Variants in TACC2 observed in about 807,000 individuals in gnomAD.
TACC2 encodes transforming acidic coiled-coil-containing protein 2.
In TACC2, 137 loss-of-function variants were observed where a neutral mutation model predicts 227.3. The ratio of observed to expected loss-of-function variants is 0.60; its 90% CI spans 0.52 to 0.69. The LOEUF is 0.69. Among genes scored for constraint, TACC2 ranks in the 30% least tolerant of loss-of-function variants. The probability of loss-of-function intolerance (pLI) is 0.00; values close to 1 mark genes in which losing one functional copy is unlikely to be tolerated. For missense variants in TACC2, 3,470 were observed against 3,694.4 expected (o/e 0.94, Z 1.57); for synonymous variants, 1,523 against 1,487.5 (o/e 1.02, Z -0.55).
intron 3 of TACC2, among the ~76,000 whole-genome samples, chr10:122,077,436 G>C (rs1296367078): frequency 1.3e-5 from 2 of 152,162 alleles, no homozygotes; most frequent in Admixed American, 6.5e-5. Flanking sequence ...ACTGATCTGG[G>C]AGCCCAGGCC....
intron 3 of TACC2, among the ~76,000 whole-genome samples, chr10:122,053,488 A>G (rs1194781659): frequency 1.3e-5 from 2 of 152,112 alleles, no homozygotes; most frequent in Non-Finnish European, 2.9e-5. Context: ...CTCTCTCCAG[A>G]GCCTGGTGCA....
chr10:122,008,450 G>A (rs1955522058), intron 1 of TACC2, among the ~76,000 whole-genome samples: 1 of 151,908 alleles, frequency 6.6e-6, no homozygotes, highest in African/African-American at 2.4e-5. Flanking sequence ...AGTAGAGACA[G>A]GGTTTCTCCA....
chr10:122,206,052 G>A (rs1294052449), intron 8 of TACC2, among the ~76,000 whole-genome samples: 1 of 151,954 alleles, frequency 6.6e-6, no homozygotes, highest in Non-Finnish European at 1.5e-5. Flanking sequence ...GGCCCTCTGG[G>A]CGCCAAGGAT....
In TACC2 at chr10:122,050,868, C is replaced by T. The variant is rs1475521973; in HGVS notation, c.146+318C>T. ...ACATCAAGGGTTCCCAGGGGTTTAT[C>T]AGTGTCTAATCCGTGGCTAAGTGGA... is the stretch of plus-strand genomic sequence containing the variant. On this transcript the variant is annotated intron_variant, in intron 3 of 22. Coordinates refer to ENST00000369005, the MANE Select transcript of TACC2 (RefSeq NM_206862.4). The surrounding 1 kb of genome is among the most constrained non-coding windows in gnomAD (Gnocchi z 4.6). The T allele has an allele frequency of 3.4e-6, 1 of 294,958 alleles. No homozygotes were observed. The highest frequency in any genetic ancestry group is 7.4e-5 in the East Asian group (1 of 13,508). 18.3% of individuals were successfully genotyped at this position (294,958 alleles called of 1,614,324 possible).
Position 122,087,638 on chromosome 10 carries a change from C to G in TACC2, c.5138C>G (p.Thr1713Arg), listed in dbSNP as rs1031208223. 5 of 1,613,350 alleles carry G rather than the reference C, an allele frequency of 3.1e-6. No individual in the cohort carries two copies. In the Admixed American group the frequency reaches 5.0e-5, roughly 16 times the overall value. ...GEAEGDITLS[T>R]AETQACASGD... ...GCAGAGGGTGACATCACCCTGAGCA[C>G]AGCTGAGACACAGGCATGTGCGTCC... The change falls in exon 4 of 23, where the codon ACA becomes AGA. Residue 1713 changes from threonine to arginine, a missense_variant. Physicochemically the swap from Thr to Arg is moderately conservative, Grantham distance 71. Coordinates refer to ENST00000369005, the MANE Select transcript of TACC2 (RefSeq NM_206862.4).
intron 16 of TACC2, among the ~76,000 whole-genome samples, chr10:122,233,370 A>G (rs1426652936): frequency 6.6e-6 from 1 of 152,214 alleles, no homozygotes; most frequent in Non-Finnish European, 1.5e-5. Context: ...GGGGGACCCA[A>G]TATAAAGACG....
chr10:122,224,770 A>G lies in TACC2; in HGVS notation c.7591A>G (p.Ile2531Val). Residue 2531 changes from isoleucine (I) to valine (V), a missense_variant, in exon 12 of 23, where the codon ATT (isoleucine) becomes GTT (valine). Physicochemically the swap from Ile to Val is conservative, Grantham distance 29 (BLOSUM62 3). Coordinates refer to ENST00000369005, the MANE Select transcript of TACC2 (RefSeq NM_206862.4). ...CTATGAAATTGAATATATGGAGAAA[A>G]TTGGCTCCTCCTTACCTGTAAGTTC... is the stretch of plus-strand genomic sequence containing the variant. ...NSYEIEYMEK[I>V]GSSLPQDDDA... The G allele has an allele frequency of 6.2e-7, 1 of 1,614,002 alleles. No homozygotes were observed. Among genetic ancestry groups the G allele is most frequent in the Non-Finnish European group, 8.5e-7 (1 of 1,179,986 alleles).
Position 122,229,343 on chromosome 10 carries a change from C to T in TACC2, c.7897-3C>T. ...GTGTGTCCTCCTCTCTGCCGGCTTT[C>T]AGACAGCTCCCGAGGGCTCCTTTGC... On this transcript the variant is annotated splice_region_variant and splice_polypyrimidine_tract_variant and intron_variant, in intron 14 of 22. Coordinates refer to ENST00000369005, the MANE Select transcript of TACC2 (RefSeq NM_206862.4). 2 of 1,613,888 alleles carry T rather than the reference C, an allele frequency of 1.2e-6. No individual in the cohort carries two copies. Among genetic ancestry groups the T allele is most frequent in the Non-Finnish European group, 1.7e-6 (2 of 1,179,980 alleles).
intron 5 of TACC2, 96 bp from the exon 6 acceptor site, chr10:122,132,513 C>A: frequency 1.4e-6 from 2 of 1,438,254 alleles, no homozygotes; most frequent in Non-Finnish European, 1.9e-6. Flanking sequence ...CGCGCCATTG[C>A]CCTCCAGCCT....
chr10:122,216,725 G>T lies in TACC2; in HGVS notation c.7443G>T (p.Trp2481Cys), dbSNP rs2095413797. 1.2e-6 allele frequency: 2 copies of T among 1,614,114 alleles called. No homozygotes were observed. Among genetic ancestry groups the T allele is most frequent in the Non-Finnish European group, 1.7e-6 (2 of 1,180,038 alleles). Reference sequence around the variant, plus strand: ...AGCTGGCGGTCACCAACCAGAAGTGGACGTGCATGACAGTGGACCTAGAGG... The same window carrying T: ...AGCTGGCGGTCACCAACCAGAAGTGTACGTGCATGACAGTGGACCTAGAGG... ...EEKLAVTNQKWTCMTVDLEAD... is the reference protein window; with the variant it reads ...EEKLAVTNQKCTCMTVDLEAD... The change falls in exon 11 of 23, where the codon TGG (tryptophan) becomes TGT (cysteine). Residue 2481 changes from tryptophan (W) to cysteine (C), a missense_variant. Around this residue, in one of 10 missense-constraint regions of TACC2, gnomAD observed 345 missense variants for 354.4 expected, o/e 0.97. Transcript: ENST00000369005.
At position 122,085,834 on chromosome 10, in the gene TACC2, A is replaced by G. The variant is rs757482922; in HGVS notation, c.3334A>G (p.Lys1112Glu). 4 of 1,613,088 alleles carry G rather than the reference A, an allele frequency of 2.5e-6. No individual in the cohort carries two copies. The highest frequency in any genetic ancestry group is 3.4e-6 in the Non-Finnish European group (4 of 1,179,494). Residue 1112 changes from lysine (K) to glutamate (E), a missense_variant, in exon 4 of 23, where the codon AAG becomes GAG. Lys to Glu is a moderately conservative substitution (Grantham distance 56). Transcript: ENST00000369005. ...CWATSDAESP[K>E]LLASFPSAGE... ...GGCCACTTCGGATGCAGAGTCCCCAAAGCTTCTTGCAAGTTTCCCATCAGC... is the reference window on the plus strand; with the variant it reads ...GGCCACTTCGGATGCAGAGTCCCCAGAGCTTCTTGCAAGTTTCCCATCAGC...
intron 7 of TACC2, among the ~76,000 whole-genome samples, chr10:122,146,356 G>A (rs1237121795): frequency 3.3e-5 from 5 of 152,076 alleles, no homozygotes; most frequent in Non-Finnish European, 7.4e-5. Flanking sequence ...GCTGTGGTTT[G>A]AGTATTTGTT....
Position 122,229,368 on chromosome 10 carries a change from C to T in TACC2, c.7919C>T (p.Ala2640Val). ...IEITAPEGSF[A>V]SADALLSRLA... ...CAGACAGCTCCCGAGGGCTCCTTTGCCTCTGCTGACGCCCTCCTCAGCAGG... is the reference window on the plus strand; with the variant it reads ...CAGACAGCTCCCGAGGGCTCCTTTGTCTCTGCTGACGCCCTCCTCAGCAGG... The change falls in exon 15 of 23, where the codon GCC (alanine) becomes GTC (valine). Residue 2640 changes from alanine to valine, a missense_variant. Around this residue, in one of 10 missense-constraint regions of TACC2, gnomAD observed 345 missense variants for 354.4 expected, o/e 0.97. Transcript: ENST00000369005. 3 of 1,614,078 alleles carry T rather than the reference C, an allele frequency of 1.9e-6. No homozygotes were observed. The highest frequency in any genetic ancestry group is 2.5e-6 in the Non-Finnish European group (3 of 1,180,028).
intron 13 of TACC2, 145 bp downstream of exon 13, chr10:122,226,626 A>G (rs1024545175): frequency 2.6e-5 from 16 of 615,206 alleles, no homozygotes; most frequent in Non-Finnish European, 4.5e-5. Context: ...TTTAATAGAG[A>G]CAGAGTCTCA....
intron 6 of TACC2, among the ~76,000 whole-genome samples, chr10:122,142,188 C>G (rs530301162): frequency 1.3e-5 from 2 of 152,304 alleles, no homozygotes; most frequent in South Asian, 4.1e-4. Flanking sequence ...ATTTCTTGGG[C>G]TCTGTTTTCC....
intron 1 of TACC2, among the ~76,000 whole-genome samples, chr10:122,005,683 C>CT (rs67744191): frequency 9.2e-5 from 10 of 108,374 alleles, no homozygotes; most frequent in African/African-American, 1.4e-4. Flanking sequence ...CGTGCCTGGC[C>CT]TTTTTTTTTT....
At chr10:122,186,143 G>A (rs891072916) in intron 7 of TACC2, among the ~76,000 whole-genome samples, 37 of 151,984 alleles carry the variant, frequency 2.4e-4, no homozygotes, top group African/African-American at 8.9e-4. Context: ...TGGCCTGGCT[G>A]GTCTCAAACT....
At chr10:122,022,232 T>A in intron 2 of TACC2, 1 of 514,968 alleles carries the variant, frequency 1.9e-6, no homozygotes, top group South Asian at 2.9e-5. Context: ...GAAACGCTAA[T>A]TCTACTTATT....
intron 11 of TACC2, among the ~76,000 whole-genome samples, chr10:122,219,623 C>A (rs1481640210): frequency 6.6e-6 from 1 of 152,208 alleles, no homozygotes; most frequent in Admixed American, 6.5e-5. Context: ...GTTCCAGAGG[C>A]AGCAAGGGAC....
Sources: gnomAD v4.1 joint callset for allele counts (sites outside exome capture counted in the v4.1 genomes callset) on GRCh38, gnomAD v4.1.1 for gene constraint, gnomAD v4.1.1 regional missense constraint, Gnocchi (gnomAD v3.1) non-coding constraint, MANE v1.5 for transcripts, NCBI Gene and HGNC (gene_info 2026-07-23, HGNC 2026-07-21) for gene names.